Variants in RSPH6A observed in about 807,000 individuals in gnomAD.
RSPH6A encodes radial spoke head protein 6 homolog A.
RSPH6A carries 49 observed loss-of-function variants against 66.1 expected under a neutral mutation model. The ratio of observed to expected loss-of-function variants is 0.74; its 90% CI spans 0.59 to 0.94. The LOEUF is 0.94. RSPH6A is among the 40% of genes least tolerant of loss of function. The pLI is 0.00. For missense variants in RSPH6A, 977 were observed against 948.3 expected (o/e 1.03, Z -0.40); for synonymous variants, 419 against 402.4 (o/e 1.04, Z -0.49).
At position 45,814,626 on chromosome 19, in the gene RSPH6A, T is replaced by G; in HGVS notation, c.551A>C (p.His184Pro). 6.2e-7 allele frequency: 1 copy of G among 1,601,182 alleles called. No homozygotes were observed. The change falls in exon 1 of 6, where the codon CAC becomes CCC. Residue 184 changes from histidine to proline, a missense_variant. Coordinates refer to ENST00000221538, the MANE Select transcript of RSPH6A (RefSeq NM_030785.4). ...GGGCTCAGGCACCTGGGCACTGTAGTGTGGGAAGCCCAGCTCAGAGGGCAA... is the reference window on the plus strand; with the variant it reads ...GGGCTCAGGCACCTGGGCACTGTAGGGTGGGAAGCCCAGCTCAGAGGGCAA... ...QFLPSELGFP[H>P]YSAQVPEPEP... is the part of the protein sequence containing the mutation.
intron 2 of RSPH6A, among the ~76,000 whole-genome samples, chr19:45,807,882 C>T (rs904204740): frequency 2.0e-5 from 3 of 152,152 alleles, no homozygotes; most frequent in Non-Finnish European, 4.4e-5. Flanking sequence ...AGCTAGGGAG[C>T]CTGGGAGTGT....
At chr19:45,797,052 G>A (rs986506993) in intron 5 of RSPH6A, among the ~76,000 whole-genome samples, 1 of 152,096 alleles carries the variant, frequency 6.6e-6, no homozygotes, top group African/African-American at 2.4e-5. Flanking sequence ...CTGAGTGACA[G>A]AGTGAGAACG....
chr19:45,796,160 C>CA, intron 5 of RSPH6A, 54 bp from the exon 6 acceptor site: 1 of 920,124 alleles, frequency 1.1e-6, no homozygotes, highest in Non-Finnish European at 1.5e-6. Flanking sequence ...CCAGACTTGA[C>CA]TTTTTTTTTT....
rs1025190408 is a variant in RSPH6A at position 45,804,141 on chromosome 19, A to C, written c.1653+111T>G. 5.9e-5 allele frequency: 48 copies of C among 815,892 alleles called. No homozygotes were observed. Among genetic ancestry groups the C allele is most frequent in the Non-Finnish European group, 7.8e-5 (41 of 526,626 alleles). 50.5% of individuals were successfully genotyped at this position (815,892 alleles called of 1,614,324 possible). ...CAATGAATGGATGGATGAATGAACG[A>C]ATGAATATTAGTTGCCCAGCAGAGA... On this transcript the variant is annotated intron_variant, in intron 3 of 5. Coordinates refer to ENST00000221538, the MANE Select transcript of RSPH6A (RefSeq NM_030785.4). The surrounding 1 kb of genome is among the most constrained non-coding windows in gnomAD (Gnocchi z 5.8).
rs1459709685 is a variant in RSPH6A, at chr19:45,802,038, G to A, written c.1798+82C>T. 3.1e-6 allele frequency: 4 copies of A among 1,300,112 alleles called. No homozygotes were observed. In the South Asian group the frequency reaches 8.0e-5, roughly 26 times the overall value. The allele number at this position is 1,300,112 out of a possible 1,614,324, so 80.5% of individuals were successfully genotyped here. ...CCTGGGAGGGAAGGACCGGGGAGAT[G>A]GACCCCAGCAGTCCAGCCACCCCTC... On this transcript the variant is annotated intron_variant, in intron 4 of 5. Coordinates refer to ENST00000221538, the MANE Select transcript of RSPH6A (RefSeq NM_030785.4).
At position 45,810,602 on chromosome 19, in the gene RSPH6A, C is replaced by T; in HGVS notation, c.888+1G>A. 1 of 1,613,692 alleles carries T rather than the reference C, an allele frequency of 6.2e-7. No individual in the cohort carries two copies. The highest frequency in any genetic ancestry group is 2.2e-5 in the East Asian group (1 of 44,886). On this transcript the variant is annotated splice_donor_variant, in intron 2 of 5. Transcript: ENST00000221538. LOFTEE classifies it high-confidence loss of function. ...CCACCTCTCCTGACTGGCTCACTCA[C>T]CACCTCCTCCTCCATCTCCTGTTCG... is the stretch of plus-strand genomic sequence containing the variant.
intron 5 of RSPH6A, among the ~76,000 whole-genome samples, chr19:45,796,968 C>T (rs1330226601): frequency 6.6e-6 from 1 of 152,150 alleles, no homozygotes; most frequent in Non-Finnish European, 1.5e-5. Flanking sequence ...ACTGGGGAGG[C>T]TGAGGGGGGA....
intron 5 of RSPH6A, among the ~76,000 whole-genome samples, chr19:45,798,889 T>C (rs947702169): frequency 2.2e-5 from 3 of 138,138 alleles, no homozygotes; most frequent in Admixed American, 7.2e-5. Flanking sequence ...GAACAATGGG[T>C]GGACACAGAT....
chr19:45,802,304 C>G (rs965372076), intron 3 of RSPH6A, 40 bp from the exon 4 acceptor site: 8 of 1,315,352 alleles, frequency 6.1e-6, no homozygotes, highest in Non-Finnish European at 7.8e-6. Flanking sequence ...CCCCAGTGCA[C>G]GGAACCCAGC....
At chr19:45,800,707 G>A (rs941012830) in intron 4 of RSPH6A, 144 bp from the exon 5 acceptor site, 70 of 585,608 alleles carry the variant, frequency 1.2e-4, no homozygotes, top group Non-Finnish European at 1.9e-4. Flanking sequence ...CTCGGGCTGC[G>A]GTGTTTGAAC....
In RSPH6A at chr19:45,815,082, T is replaced by C; in HGVS notation, c.95A>G (p.Gln32Arg). ...QASQRRHSRD[Q>R]AQALAADPEE... is the part of the protein sequence containing the mutation. ...GGGGTCCGCTGCCAGGGCCTGAGCT[T>C]GGTCCCGACTGTGCCGCCTCTGGGA... Residue 32 changes from glutamine to arginine, a missense_variant, in exon 1 of 6, where the codon CAA (glutamine) becomes CGA (arginine). By Grantham distance (43) the Gln-to-Arg change is conservative. Transcript: ENST00000221538. The C allele has an allele frequency of 6.2e-7, 1 of 1,613,342 alleles. No homozygotes were observed. Among genetic ancestry groups the C allele is most frequent in the Non-Finnish European group, 8.5e-7 (1 of 1,180,014 alleles).
chr19:45,799,701 C>G (rs2146281401), intron 5 of RSPH6A, among the ~76,000 whole-genome samples: 1 of 152,120 alleles, frequency 6.6e-6, no homozygotes, highest in East Asian at 1.9e-4. Context: ...CTTTTTGGAA[C>G]AACTGGTGGT....
chr19:45,808,522 G>A (rs747436285), intron 2 of RSPH6A, among the ~76,000 whole-genome samples: 5 of 152,106 alleles, frequency 3.3e-5, no homozygotes, highest in Non-Finnish European at 5.9e-5. Context: ...GAACCTGGGA[G>A]GTGGAGGTTG....
chr19:45,800,590 G>C (rs777751337), intron 4 of RSPH6A, 27 bp from the exon 5 acceptor site: 1 of 1,590,702 alleles, frequency 6.3e-7, no homozygotes, highest in African/African-American at 1.3e-5. Context: ...GCAGAGGGGG[G>C]CAGCAGGGTC....
chr19:45,796,001 C>G lies in RSPH6A; in HGVS notation c.2022G>C (p.Glu674Asp). ...PIQQEYPSGPEIMEMSDPTVE... is the reference protein window; with the variant it reads ...PIQQEYPSGPDIMEMSDPTVE... Reference sequence around the variant, plus strand: ...CTGTGGGGTCACTCATCTCCATGATCTCTGGGCCACTGGGGTACTCTTGTT... The same window carrying G: ...CTGTGGGGTCACTCATCTCCATGATGTCTGGGCCACTGGGGTACTCTTGTT... Residue 674 changes from glutamate to aspartate, a missense_variant, in exon 6 of 6, where the codon GAG becomes GAC. Transcript: ENST00000221538. The G allele has an allele frequency of 6.2e-7, 1 of 1,613,924 alleles. No individual in the cohort carries two copies. The highest frequency in any genetic ancestry group is 8.5e-7 in the Non-Finnish European group (1 of 1,179,984).
At chr19:45,797,302 C>T (rs1272151444) in intron 5 of RSPH6A, among the ~76,000 whole-genome samples, 1 of 149,528 alleles carries the variant, frequency 6.7e-6, no homozygotes, top group Non-Finnish European at 1.5e-5. Context: ...ATGGCGTGAA[C>T]CCTGGGAGGC....
chr19:45,815,123 C>A lies in RSPH6A; in HGVS notation c.54G>T (p.Arg18=). The A allele has an allele frequency of 6.2e-7, 1 of 1,612,064 alleles. No homozygotes were observed. ...GCCTCTGGGAGGCCTGAGAAGTCCT[C>A]CGGCCCGGAGGCTGCTGGGCAGGGC... The part of the protein sequence containing the change: ...PERPAQQPPG[R]RTSQASQRRH... The change falls in exon 1 of 6, where the codon CGG becomes CGT. Residue 18 remains arginine (R), a synonymous_variant. Transcript: ENST00000221538.
intron 1 of RSPH6A, 24 bp downstream of exon 1, chr19:45,814,503 G>T: frequency 2.7e-6 from 2 of 746,164 alleles, no homozygotes; most frequent in South Asian, 2.3e-5. Flanking sequence ...TCCCCCACCC[G>T]CCCCACTCCT....
intron 2 of RSPH6A, among the ~76,000 whole-genome samples, chr19:45,805,348 G>A (rs116590344): frequency 6.6e-6 from 1 of 152,028 alleles, no homozygotes; most frequent in African/African-American, 2.4e-5. Context: ...AGTGAGCTGA[G>A]ATTGCTCCAC....
Sources: allele counts gnomAD v4.1 joint callset (sites outside exome capture counted in the v4.1 genomes callset), GRCh38; gene constraint gnomAD v4.1.1; non-coding constraint Gnocchi (gnomAD v3.1); transcripts MANE v1.5; gene names NCBI Gene and HGNC (gene_info 2026-07-23, HGNC 2026-07-21).